Variants in NTRK2 observed in about 807,000 individuals in gnomAD.
The protein encoded by NTRK2 is BDNF/NT-3 growth factors receptor.
Under a neutral mutation model 94.5 loss-of-function variants are expected in NTRK2, and 13 were observed. The ratio of observed to expected loss-of-function variants is 0.14; its 90% CI spans 0.09 to 0.22. The LOEUF (loss-of-function observed/expected upper bound fraction) is 0.22, where lower values mean the gene tolerates loss of function less well. Ranked by LOEUF, NTRK2 falls within the 10% of genes least tolerant of loss-of-function variation. The pLI is 1.00. For synonymous variants in NTRK2, 372 were observed against 407.4 expected (o/e 0.91, Z 1.05); for missense variants, 639 against 1,071.2 (o/e 0.60, Z 5.63).
At chr9:84,971,734 G>A (rs908310929) in intron 17 of NTRK2, among the ~76,000 whole-genome samples, 1 of 152,240 alleles carries the variant, frequency 6.6e-6, no homozygotes. Flanking sequence ...GCCAGAGTAA[G>A]CAGATGGGCT....
intron 12 of NTRK2, among the ~76,000 whole-genome samples, chr9:84,794,043 A>G (rs527686058): frequency 3.3e-5 from 5 of 152,328 alleles, no homozygotes; most frequent in South Asian, 2.1e-4. Context: ...TACAAGCTCA[A>G]GCTGCCTTTG....
chr9:84,673,427 C>T (rs373433697), intron 2 of NTRK2, among the ~76,000 whole-genome samples: 9 of 152,214 alleles, frequency 5.9e-5, no homozygotes, highest in African/African-American at 2.2e-4. Flanking sequence ...AGTGGTATTC[C>T]TAAAATAACC....
At position 85,024,790 on chromosome 9, in the gene NTRK2, A is replaced by G. The variant is rs1318304845; in HGVS notation, c.*3353A>G. 4.3e-6 allele frequency: 1 copy of G among 232,994 alleles called. No individual in the cohort carries two copies. The highest frequency in any genetic ancestry group is 8.5e-6 in the Non-Finnish European group (1 of 117,964). 14.4% of individuals were successfully genotyped at this position (232,994 alleles called of 1,614,324 possible). On this transcript the variant is annotated 3_prime_UTR_variant, in exon 19 of 19. Transcript: ENST00000277120. ...CAGCTAAATTCTTGTACACTGAACC[A>G]ATGTCATAATCAGGCTTATTTAGAA...
intron 14 of NTRK2, among the ~76,000 whole-genome samples, chr9:84,878,997 C>T (rs2076174358): frequency 6.6e-6 from 1 of 152,194 alleles, no homozygotes; most frequent in African/African-American, 2.4e-5. Flanking sequence ...TTCAGCCAGC[C>T]TCAGCATCTC....
intron 14 of NTRK2, chr9:84,874,303 C>A (rs199794239): frequency 1.9e-6 from 2 of 1,065,358 alleles, no homozygotes; most frequent in Non-Finnish European, 2.3e-6. Context: ...GAGATGGCAC[C>A]ACCGGAGTTT....
At chr9:84,997,306 T>A (rs1829870811) in intron 17 of NTRK2, among the ~76,000 whole-genome samples, 1 of 151,190 alleles carries the variant, frequency 6.6e-6, no homozygotes, top group Admixed American at 6.6e-5. Context: ...AGGATGGGGG[T>A]CAAGAAGAAG....
intron 10 of NTRK2, among the ~76,000 whole-genome samples, chr9:84,742,652 A>T (rs1231686395): frequency 6.6e-6 from 1 of 151,988 alleles, no homozygotes; most frequent in Non-Finnish European, 1.5e-5. Flanking sequence ...AGAGGGATGG[A>T]TTATCCCTTC....
At chr9:84,968,196 C>T (rs1034551494) in intron 17 of NTRK2, among the ~76,000 whole-genome samples, 3 of 152,188 alleles carry the variant, frequency 2.0e-5, no homozygotes, top group African/African-American at 7.2e-5. Flanking sequence ...CTCTGGCAGA[C>T]TGGCATCTGA....
At chr9:84,963,870 A>G (rs1825244572) in intron 17 of NTRK2, among the ~76,000 whole-genome samples, 1 of 151,938 alleles carries the variant, frequency 6.6e-6, no homozygotes, top group Non-Finnish European at 1.5e-5. Context: ...TGCAATGTCT[A>G]ATTTGCCATT....
rs1833056195 is a variant in NTRK2 at position 85,026,765 on chromosome 9, T to G, written c.*5328T>G. The G allele has an allele frequency of 4.3e-6, 1 of 232,878 alleles. No individual in the cohort carries two copies. Among genetic ancestry groups the G allele is most frequent in the Non-Finnish European group, 8.5e-6 (1 of 117,950 alleles). The allele number at this position is 232,878 out of a possible 1,614,324, so 14.4% of individuals were successfully genotyped here. A position where few individuals can be genotyped will look rare whatever the true frequency, so the allele number is the denominator to read the frequency against. On this transcript the variant is annotated 3_prime_UTR_variant, in exon 19 of 19. Transcript: ENST00000277120. Reference sequence around the variant, plus strand: ...ATATATTTCCCCTTCAATCGTGACCTGGTATTTGGAACTCTCCTTTTCATT... The same window carrying G: ...ATATATTTCCCCTTCAATCGTGACCGGGTATTTGGAACTCTCCTTTTCATT...
chr9:84,977,859 T>A (rs1043320985), intron 17 of NTRK2, among the ~76,000 whole-genome samples: 1 of 152,260 alleles, frequency 6.6e-6, no homozygotes, highest in Non-Finnish European at 1.5e-5. Context: ...TGGTAACTCA[T>A]GCAAAATCTC....
intron 12 of NTRK2, among the ~76,000 whole-genome samples, chr9:84,831,474 G>GC (rs1164875538): frequency 1.3e-5 from 2 of 152,120 alleles, no homozygotes; most frequent in African/African-American, 2.4e-5. Context: ...AGTTTTCTAT[G>GC]CCCGTGGTAC....
intron 12 of NTRK2, among the ~76,000 whole-genome samples, chr9:84,770,926 CT>C (rs1200504655): frequency 5.3e-5 from 8 of 152,142 alleles, no homozygotes; most frequent in African/African-American, 1.7e-4. Context: ...CCTTTCCCCC[CT>C]GGGTATTAAA....
intron 2 of NTRK2, among the ~76,000 whole-genome samples, chr9:84,671,635 T>C (rs2058703659): frequency 6.6e-6 from 1 of 152,212 alleles, no homozygotes; most frequent in South Asian, 2.1e-4. Context: ...CCCAGAGATA[T>C]GATTTTGAGA....
chr9:84,843,765 G>T lies in NTRK2; in HGVS notation c.1397-17275G>T, dbSNP rs528208787. Reference sequence around the variant, plus strand: ...GAAAAACTAGAAGCTTTCTTTTAAGGAGTTTACAATCTAGCTGAGGACATA... The same window carrying T: ...GAAAAACTAGAAGCTTTCTTTTAAGTAGTTTACAATCTAGCTGAGGACATA... On this transcript the variant is annotated intron_variant, in intron 12 of 18. Transcript: ENST00000277120. 2.6e-5 allele frequency among the ~76,000 whole-genome samples: 4 copies of T among 152,254 alleles called. No homozygotes were observed. In the East Asian group the frequency reaches 7.7e-4, roughly 29 times the overall value.
chr9:84,944,764 T>G (rs1214028991), intron 15 of NTRK2, among the ~76,000 whole-genome samples: 1 of 152,246 alleles, frequency 6.6e-6, no homozygotes, highest in Non-Finnish European at 1.5e-5. Flanking sequence ...GCCTTATTCA[T>G]GCATACTTTG....
chr9:84,841,313 A>G (rs1364428149), intron 12 of NTRK2, among the ~76,000 whole-genome samples: 2 of 152,138 alleles, frequency 1.3e-5, no homozygotes, highest in Admixed American at 6.6e-5. Context: ...ACCCTCCCAC[A>G]ATCAAACCCA....
intron 14 of NTRK2, chr9:84,872,159 C>T: frequency 8.3e-7 from 1 of 1,208,912 alleles, no homozygotes; most frequent in Non-Finnish European, 1.0e-6. Context: ...GTCTGAACAC[C>T]ACATCACCTG....
intron 12 of NTRK2, among the ~76,000 whole-genome samples, chr9:84,796,292 A>G (rs1281920827): frequency 1.3e-5 from 2 of 152,080 alleles, no homozygotes; most frequent in African/African-American, 4.8e-5. Context: ...TTGCCTCAAG[A>G]CCTTAAAACT....
Sources: gnomAD v4.1 joint callset for allele counts (sites outside exome capture counted in the v4.1 genomes callset) on GRCh38, gnomAD v4.1.1 for gene constraint, MANE v1.5 for transcripts, NCBI Gene and HGNC (gene_info 2026-07-23, HGNC 2026-07-21) for gene names.